PDE4D: variants seen among roughly 807,000 people sequenced by gnomAD.
PDE4D encodes the protein phosphodiesterase 4D.
Under a neutral mutation model 87.4 loss-of-function variants are expected in PDE4D, and 24 were observed. The observed-to-expected ratio is 0.27, with a 90% confidence interval of 0.20 to 0.39. The LOEUF (loss-of-function observed/expected upper bound fraction) is 0.39, where lower values mean the gene tolerates loss of function less well. Ranked by LOEUF, PDE4D falls within the 10% of genes least tolerant of loss-of-function variation. The pLI is 1.00. For synonymous variants in PDE4D, 384 were observed against 383.2 expected (o/e 1.00, Z -0.02); for missense variants, 714 against 1,041.0 (o/e 0.69, Z 4.32).
chr5:59,838,563 C>T lies in PDE4D; in HGVS notation c.455+54605G>A, dbSNP rs560694999. Among the ~76,000 whole-genome samples the T allele has an allele frequency of 3.9e-5, 6 of 152,170 alleles. No homozygotes were observed. The East Asian group carries it at 7.8e-4, about 20-fold the overall frequency. On this transcript the variant is annotated intron_variant, in intron 1 of 14. Coordinates refer to ENST00000340635, the MANE Select transcript of PDE4D (RefSeq NM_001104631.2). ...TTGATTCCTCTCTCTACTTTCCCTTCGGTTTTGAATCTAGTTTTTAGGAAA... is the reference window on the plus strand; with the variant it reads ...TTGATTCCTCTCTCTACTTTCCCTTTGGTTTTGAATCTAGTTTTTAGGAAA...
intron 3 of PDE4D, among the ~76,000 whole-genome samples, chr5:59,964,813 T>C (rs949091207): frequency 1.3e-5 from 2 of 152,100 alleles, no homozygotes; most frequent in African/African-American, 4.8e-5. Context: ...CCATTCTTAA[T>C]TGGTTTAGCA....
At chr5:60,078,190 C>A (rs943090197) in intron 2 of PDE4D, among the ~76,000 whole-genome samples, 1 of 152,162 alleles carries the variant, frequency 6.6e-6, no homozygotes, top group Non-Finnish European at 1.5e-5. Context: ...ATCTCCCCTA[C>A]CTTGAAAGTT....
At chr5:59,208,066 C>G (rs1019813698) in intron 2 of PDE4D, among the ~76,000 whole-genome samples, 1 of 151,770 alleles carries the variant, frequency 6.6e-6, no homozygotes, top group African/African-American at 2.4e-5. Context: ...ACTCAGGAGG[C>G]TGAGGCAGGA....
chr5:59,368,621 T>C (rs909575205), intron 1 of PDE4D, among the ~76,000 whole-genome samples: 12 of 152,198 alleles, frequency 7.9e-5, no homozygotes, highest in African/African-American at 2.9e-4. Flanking sequence ...AAACCAAATT[T>C]TGGATACTTC....
chr5:59,347,714 C>G (rs2153584980), intron 1 of PDE4D, among the ~76,000 whole-genome samples: 1 of 152,242 alleles, frequency 6.6e-6, no homozygotes, highest in Admixed American at 6.5e-5. Context: ...TTCTTTTCAT[C>G]TTCCTCCTTG....
chr5:60,050,085 C>T (rs1246659685), intron 2 of PDE4D, among the ~76,000 whole-genome samples: 4 of 152,200 alleles, frequency 2.6e-5, no homozygotes, highest in Admixed American at 6.5e-5. Flanking sequence ...TTTTTAAGGC[C>T]GTCAGAAAAG....
At position 60,412,152 on chromosome 5, in the gene PDE4D, T is replaced by C. The variant is rs139541317; in HGVS notation, c.-90+75790A>G. On this transcript the variant is annotated intron_variant, in intron 1 of 16. Coordinates refer to the PDE4D transcript ENST00000502484. ...ATCTGTACATTCAGTCTCAGGACAA[T>C]AGGACTACAATTATACGTGTCTTCA... is the stretch of plus-strand genomic sequence containing the variant. Among the ~76,000 whole-genome samples, 972 of 152,198 alleles carry C rather than the reference T, an allele frequency of 6.4e-3. 11 individuals are homozygous for C. Among genetic ancestry groups the C allele is most frequent in the African/African-American group, 0.022 (930 of 41,546 alleles).
intron 1 of PDE4D, among the ~76,000 whole-genome samples, chr5:59,237,645 C>T (rs1756731546): frequency 1.3e-5 from 2 of 152,114 alleles, no homozygotes; most frequent in Admixed American, 1.3e-4. Context: ...CTCATGGTCT[C>T]AAATAATGGT....
At chr5:59,507,572 GGAGGACTGCTT>G (rs1343067881) in intron 1 of PDE4D, among the ~76,000 whole-genome samples, 1 of 150,530 alleles carries the variant, frequency 6.6e-6, no homozygotes, top group Non-Finnish European at 1.5e-5. Flanking sequence ...GGCTGAGGCA[GGAGGACTGCTT>G]GAGCCCAGGA....
chr5:60,253,127 G>A (rs747348121), intron 1 of PDE4D, among the ~76,000 whole-genome samples: 1 of 151,860 alleles, frequency 6.6e-6, no homozygotes, highest in East Asian at 1.9e-4. Flanking sequence ...TAACTGAATG[G>A]CACAAAATCA....
At chr5:59,269,987 G>C (rs75725278) in intron 1 of PDE4D, among the ~76,000 whole-genome samples, 3,893 of 152,174 alleles carry the variant, frequency 0.026, 175 homozygotes, top group African/African-American at 0.089. Flanking sequence ...GGGACACAGA[G>C]CATGTTAGAA....
chr5:59,510,177 T>C (rs959354034), intron 1 of PDE4D, among the ~76,000 whole-genome samples: 15 of 150,822 alleles, frequency 9.9e-5, no homozygotes, highest in Admixed American at 9.9e-4. Context: ...AAGGGATTTA[T>C]AAAATACTTA....
chr5:59,895,740 G>T (rs1392520938), upstream of PDE4D, among the ~76,000 whole-genome samples: 1 of 152,120 alleles, frequency 6.6e-6, no homozygotes, highest in African/African-American at 2.4e-5. Flanking sequence ...CAATATAACT[G>T]TGGCAAAATA....
intron 1 of PDE4D, among the ~76,000 whole-genome samples, chr5:59,475,816 C>T (rs530169911): frequency 5.3e-5 from 8 of 152,078 alleles, no homozygotes; most frequent in African/African-American, 1.9e-4. Flanking sequence ...CAGAGTCTTC[C>T]CACTGACTAC....
At chr5:60,301,411 A>C (rs898419881) in intron 1 of PDE4D, among the ~76,000 whole-genome samples, 68 of 152,220 alleles carry the variant, frequency 4.5e-4, no homozygotes, top group African/African-American at 1.6e-3. Context: ...GTTCTCCTTG[A>C]AGAGGTCCTT....
chr5:60,050,250 C>A (rs914092594), intron 2 of PDE4D, among the ~76,000 whole-genome samples: 25 of 152,296 alleles, frequency 1.6e-4, no homozygotes, highest in African/African-American at 5.8e-4. Flanking sequence ...ACCCACTGAC[C>A]TGCGCCCACT....
rs571203296 is a variant in PDE4D, at chr5:59,051,198, C to T, written c.809-12227G>A. Among the ~76,000 whole-genome samples, 6 of 152,270 alleles carry T rather than the reference C, an allele frequency of 3.9e-5. No homozygotes were observed. In the South Asian group the frequency reaches 6.2e-4, roughly 16 times the overall value. ...ACCAGCCTAGACAACATGGCAAAAC[C>T]GCATCTCTACTAAAAATACAAAAAG... On this transcript the variant is annotated intron_variant, in intron 5 of 14. Coordinates refer to ENST00000340635, the MANE Select transcript of PDE4D (RefSeq NM_001104631.2).
chr5:58,975,463 A>G lies in PDE4D; in HGVS notation c.2013+194T>C, dbSNP rs1255545341. Reference sequence around the variant, plus strand: ...TAATAAATGAATATGTCTTTAGAATATATATATGACTATATGAATGTAAGT... The same window carrying G: ...TAATAAATGAATATGTCTTTAGAATGTATATATGACTATATGAATGTAAGT... On this transcript the variant is annotated intron_variant, in intron 14 of 14. Transcript: ENST00000340635. This position sits in a 1 kb window ranked among gnomAD's most constrained non-coding sequence, Gnocchi z 4.2. Among the ~76,000 whole-genome samples the G allele has an allele frequency of 2.0e-5, 3 of 152,218 alleles. No individual in the cohort carries two copies. The highest frequency in any genetic ancestry group is 7.2e-5 in the African/African-American group (3 of 41,462).
At chr5:60,369,610 C>T (rs542044647) in intron 1 of PDE4D, among the ~76,000 whole-genome samples, 5 of 152,222 alleles carry the variant, frequency 3.3e-5, no homozygotes, top group South Asian at 2.1e-4. Flanking sequence ...GAGGAGCATG[C>T]GCACCATGGT....
Sources: allele counts gnomAD v4.1 joint callset (sites outside exome capture counted in the v4.1 genomes callset), GRCh38; gene constraint gnomAD v4.1.1; non-coding constraint Gnocchi (gnomAD v3.1); transcripts MANE v1.5; gene names NCBI Gene and HGNC (gene_info 2026-07-23, HGNC 2026-07-21).